The following MACROD1 variants were observed in gnomAD, a reference collection of about 807,000 sequenced individuals.
MACROD1 encodes ADP-ribose glycohydrolase MACROD1.
MACROD1 carries 31 observed loss-of-function variants against 41.4 expected under a neutral mutation model. The ratio of observed to expected loss-of-function variants is 0.75; its 90% CI spans 0.56 to 1.01. MACROD1 has a LOEUF of 1.01. MACROD1 is among the 50% of genes least tolerant of loss of function. The pLI, the probability that MACROD1 is intolerant of heterozygous loss-of-function variation, is 0.00. For missense variants in MACROD1, 473 were observed against 460.0 expected, an observed-to-expected ratio of 1.03 and a Z score of -0.26; for synonymous variants, 252 against 203.4, an observed-to-expected ratio of 1.24 and a Z score of -2.03.
intron 4 of MACROD1, among the ~76,000 whole-genome samples, chr11:64,007,834 C>T (rs1396918922): frequency 6.6e-6 from 1 of 152,206 alleles, no homozygotes; most frequent in African/African-American, 2.4e-5. Context: ...CTTCCGGCTG[C>T]CTGCTGCTTC....
chr11:64,116,963 C>A (rs766627575), intron 3 of MACROD1: 6 of 1,611,914 alleles, frequency 3.7e-6, no homozygotes, highest in Non-Finnish European at 5.1e-6. Context: ...TGGACGGTAA[C>A]CTGCTGGCCA....
chr11:64,152,086 G>A (rs1945588089), intron 2 of MACROD1, among the ~76,000 whole-genome samples: 1 of 152,210 alleles, frequency 6.6e-6, no homozygotes, highest in Non-Finnish European at 1.5e-5. Flanking sequence ...CCAAGATCGA[G>A]CCATTGCACT....
In MACROD1 at chr11:64,096,967, G is replaced by A. The variant is rs144050953; in HGVS notation, c.517+54272C>T. Among the ~76,000 whole-genome samples, 101 of 152,332 alleles carry A rather than the reference G, an allele frequency of 6.6e-4. No homozygotes were observed. The highest frequency in any genetic ancestry group is 2.2e-3 in the African/African-American group (92 of 41,584). ...ACCCACTCTCTCAGCGTCTGGGCCC[G>A]GGAGTTCCTGCCTACCCTTGCTGGG... is the stretch of plus-strand genomic sequence containing the variant. On this transcript the variant is annotated intron_variant, in intron 3 of 10. Coordinates refer to ENST00000255681, the MANE Select transcript of MACROD1 (RefSeq NM_014067.4). This position sits in a 1 kb window ranked among gnomAD's most constrained non-coding sequence, Gnocchi z 4.6.
Position 64,082,661 on chromosome 11 carries a change from G to T in MACROD1, c.518-67380C>A, listed in dbSNP as rs534021066. ...GGAGGGTGGGGACCCCCAGCCTGGA[G>T]CCCCAGACCCCTGTCCTGCTCCACC... On this transcript the variant is annotated intron_variant, in intron 3 of 10. Coordinates refer to ENST00000255681, the MANE Select transcript of MACROD1 (RefSeq NM_014067.4). This position sits in a 1 kb window ranked among gnomAD's most constrained non-coding sequence, Gnocchi z 4.5. Among the ~76,000 whole-genome samples, 1 of 152,240 alleles carries T rather than the reference G, an allele frequency of 6.6e-6. No individual in the cohort carries two copies. The highest frequency in any genetic ancestry group is 2.1e-4 in the South Asian group (1 of 4,830).
chr11:64,097,134 G>A (rs1944590865), intron 3 of MACROD1, among the ~76,000 whole-genome samples: 1 of 152,238 alleles, frequency 6.6e-6, no homozygotes, highest in South Asian at 2.1e-4. Flanking sequence ...TGCACTGTGA[G>A]GACGGCAGCT....
rs750883272 is a variant in MACROD1, at chr11:63,999,315, C to A, written c.891+16G>T. The A allele has an allele frequency of 2.4e-5, 37 of 1,557,020 alleles. No individual in the cohort carries two copies. Among genetic ancestry groups the A allele is most frequent in the Non-Finnish European group, 2.9e-5 (33 of 1,157,794 alleles). On this transcript the variant is annotated intron_variant, in intron 8 of 10. Transcript: ENST00000255681. ...CCGGGATGCGGACCCCACCCTCGCC[C>A]GGGCCCAGGACTCACCTTGTCCTTG... is the stretch of plus-strand genomic sequence containing the variant.
intron 3 of MACROD1, among the ~76,000 whole-genome samples, chr11:64,098,391 G>A (rs543359324): frequency 2.0e-5 from 3 of 152,202 alleles, no homozygotes; most frequent in Non-Finnish European, 2.9e-5. Context: ...CCCTCAGCCT[G>A]AAATGTTCTT....
chr11:64,145,125 T>G (rs1299170799), intron 3 of MACROD1, among the ~76,000 whole-genome samples: 1 of 152,128 alleles, frequency 6.6e-6, no homozygotes, highest in Non-Finnish European at 1.5e-5. Context: ...CAGCAGATTC[T>G]CACAAATCAA....
At chr11:64,143,764 A>ACACACACACACACG (rs1945449663) in intron 3 of MACROD1, among the ~76,000 whole-genome samples, 1 of 141,054 alleles carries the variant, frequency 7.1e-6, no homozygotes, top group African/African-American at 2.6e-5. Flanking sequence ...ACACACACAC[A>ACACACACACACACG]CACACACACA....
intron 3 of MACROD1, among the ~76,000 whole-genome samples, chr11:64,114,898 T>G (rs952682695): frequency 6.6e-6 from 1 of 152,066 alleles, no homozygotes; most frequent in African/African-American, 2.4e-5. Context: ...CCTGCAAGAG[T>G]AGCTTGCTCG....
chr11:64,138,996 A>G (rs1420334840), intron 3 of MACROD1, among the ~76,000 whole-genome samples: 1 of 152,120 alleles, frequency 6.6e-6, no homozygotes, highest in Admixed American at 6.5e-5. Context: ...TGAACTCCTG[A>G]CCTCAGGTGA....
At chr11:64,072,437 T>A (rs77341066) in intron 3 of MACROD1, among the ~76,000 whole-genome samples, 10,818 of 150,978 alleles carry the variant, frequency 0.072, 456 homozygotes, top group South Asian at 0.19. Flanking sequence ...AAAAAAAAAA[T>A]AATAATTACA....
chr11:64,151,405 A>G (rs370177647), intron 2 of MACROD1, 50 bp from the exon 3 acceptor site: 2 of 1,438,520 alleles, frequency 1.4e-6, no homozygotes, highest in Admixed American at 3.3e-5. Flanking sequence ...CCCACTGCAG[A>G]GGGACCCAGC....
chr11:64,073,754 C>T (rs144302468), intron 3 of MACROD1, among the ~76,000 whole-genome samples: 58 of 152,318 alleles, frequency 3.8e-4, no homozygotes, highest in Admixed American at 2.2e-3. Context: ...AGCTGGGCCT[C>T]GGCAGGGTAA....
At chr11:64,092,160 G>A (rs1944502444) in intron 3 of MACROD1, among the ~76,000 whole-genome samples, 1 of 152,188 alleles carries the variant, frequency 6.6e-6, no homozygotes, top group Non-Finnish European at 1.5e-5. Flanking sequence ...ATCCCGAGTG[G>A]GTGGAGTCAC....
At chr11:64,010,932 T>C (rs1306532825) in intron 4 of MACROD1, among the ~76,000 whole-genome samples, 1 of 144,548 alleles carries the variant, frequency 6.9e-6, no homozygotes, top group East Asian at 2.1e-4. Context: ...GGGTGTTGGC[T>C]GGCATGTTGG....
rs144550112 is a variant in MACROD1 at position 64,117,210 on chromosome 11, G to A, written c.517+34029C>T. The A allele has an allele frequency of 5.0e-5, 80 of 1,613,962 alleles. No individual in the cohort carries two copies. In the Middle Eastern group the frequency reaches 6.6e-4, roughly 13 times the overall value. On this transcript the variant is annotated intron_variant, in intron 3 of 10. Transcript: ENST00000255681. ...GACCACGCTGCCCCGCGGCCTGTTC[G>A]ACGACCTGGGGAACCTGGCCCAGCT...
intron 1 of MACROD1, among the ~76,000 whole-genome samples, chr11:64,160,347 C>T (rs900338965): frequency 6.6e-6 from 1 of 152,200 alleles, no homozygotes; most frequent in East Asian, 1.9e-4. Flanking sequence ...TATTTCCCCA[C>T]CACAAACTGC....
chr11:64,128,841 G>A (rs1945224931), intron 3 of MACROD1, among the ~76,000 whole-genome samples: 1 of 152,156 alleles, frequency 6.6e-6, no homozygotes, highest in African/African-American at 2.4e-5. Context: ...CAGATCCCCA[G>A]AGGGCACTTG....
Sources: gnomAD v4.1 joint callset for allele counts (sites outside exome capture counted in the v4.1 genomes callset) on GRCh38, gnomAD v4.1.1 for gene constraint, Gnocchi (gnomAD v3.1) non-coding constraint, MANE v1.5 for transcripts, NCBI Gene and HGNC (gene_info 2026-07-23, HGNC 2026-07-21) for gene names.